SRBD1: variants seen among roughly 807,000 people sequenced by gnomAD.
The protein encoded by SRBD1 is S1 RNA binding domain 1.
SRBD1 carries 88 observed loss-of-function variants against 115.3 expected under a neutral mutation model. That is an observed-to-expected ratio of 0.76 (90% CI 0.64 to 0.91). The LOEUF is 0.91. SRBD1 is among the 40% of genes least tolerant of loss of function. SRBD1 has a pLI of 0.00. For missense variants in SRBD1, 1,385 were observed against 1,177.4 expected (o/e 1.18, Z -2.58); for synonymous variants, 509 against 407.7 (o/e 1.25, Z -2.99).
In SRBD1 at chr2:45,447,320, G is replaced by A. The variant is rs569641046; in HGVS notation, c.2050-27426C>T. 3.0e-4 allele frequency: 45 copies of A among 152,476 alleles called. No homozygotes were observed. In the East Asian group the frequency reaches 5.4e-3, roughly 18 times the overall value. The allele number at this position is 152,476 out of a possible 1,614,324, so 9.4% of individuals were successfully genotyped here. On this transcript the variant is annotated intron_variant, in intron 16 of 20. Coordinates refer to ENST00000263736, the MANE Select transcript of SRBD1 (RefSeq NM_018079.5). ...AAAAATTCTAGGCGTGGTGGCGGGC[G>A]CCTGTAGTCCCAGCTACTTGGGAGG...
chr2:45,545,311 A>AAAAAAAAAAC (rs1558468100), intron 14 of SRBD1, among the ~76,000 whole-genome samples: 6 of 143,626 alleles, frequency 4.2e-5, no homozygotes, highest in African/African-American at 1.6e-4. Context: ...AAAAAAAAAA[A>AAAAAAAAAAC]AAAACAGATG....
At chr2:45,527,148 T>C (rs929937734) in intron 14 of SRBD1, among the ~76,000 whole-genome samples, 5 of 151,878 alleles carry the variant, frequency 3.3e-5, no homozygotes, top group Admixed American at 3.3e-4. Flanking sequence ...CATATAAATA[T>C]GAATATATAT....
chr2:45,403,399 C>T (rs1272696122), intron 19 of SRBD1, among the ~76,000 whole-genome samples: 1 of 151,730 alleles, frequency 6.6e-6, no homozygotes, highest in Non-Finnish European at 1.5e-5. Context: ...TTATCAGTTC[C>T]TGAGTAGTTC....
chr2:45,480,599 G>A (rs1386549552), intron 15 of SRBD1, among the ~76,000 whole-genome samples: 1 of 152,118 alleles, frequency 6.6e-6, no homozygotes, highest in African/African-American at 2.4e-5. Flanking sequence ...GCTTTCTTAG[G>A]GACAAGCAAA....
intron 14 of SRBD1, among the ~76,000 whole-genome samples, chr2:45,491,765 C>T (rs1325625808): frequency 1.3e-5 from 2 of 152,174 alleles, no homozygotes; most frequent in Non-Finnish European, 2.9e-5. Flanking sequence ...AATATCAACG[C>T]ATTCACTTTC....
intron 15 of SRBD1, among the ~76,000 whole-genome samples, chr2:45,479,314 T>C (rs1190938513): frequency 6.6e-6 from 1 of 152,146 alleles, no homozygotes; most frequent in Non-Finnish European, 1.5e-5. Context: ...ATGAAGCTTA[T>C]TCAAAAGACA....
chr2:45,407,600 G>A (rs1247573868), intron 19 of SRBD1, among the ~76,000 whole-genome samples: 2 of 152,018 alleles, frequency 1.3e-5, no homozygotes, highest in Non-Finnish European at 2.9e-5. Flanking sequence ...TCTAAGTGAT[G>A]AATAAAGTCA....
chr2:45,511,663 G>A (rs1346191578), intron 14 of SRBD1, among the ~76,000 whole-genome samples: 1 of 152,142 alleles, frequency 6.6e-6, no homozygotes, highest in Non-Finnish European at 1.5e-5. Flanking sequence ...AATGTTATCG[G>A]CAAAAATTCA....
At position 45,596,988 on chromosome 2, in the gene SRBD1, T is replaced by TAA. The variant is rs139080511; in HGVS notation, c.648+2460_648+2461insTT. 6.9e-3 allele frequency among the ~76,000 whole-genome samples: 977 copies of TAA among 140,966 alleles called. 11 individuals are homozygous for TAA. Among genetic ancestry groups the TAA allele is most frequent in the African/African-American group, 0.025 (951 of 38,328 alleles). 92.5% of individuals were successfully genotyped at this position (140,966 alleles called of 152,430 possible). A position where few individuals can be genotyped will look rare whatever the true frequency, so the allele number is the denominator to read the frequency against. On this transcript the variant is annotated intron_variant, in intron 4 of 20. Coordinates refer to ENST00000263736, the MANE Select transcript of SRBD1 (RefSeq NM_018079.5). ...ACACACACACCCACACCCACAACCC[T>TAA]CACACACACACACACACACACACAC...
At chr2:45,476,063 T>C (rs1669795371) in intron 16 of SRBD1, among the ~76,000 whole-genome samples, 1 of 152,200 alleles carries the variant, frequency 6.6e-6, no homozygotes, top group Non-Finnish European at 1.5e-5. Context: ...CTTTAGCAAC[T>C]ATCTTTCTGA....
intron 16 of SRBD1, among the ~76,000 whole-genome samples, chr2:45,469,276 T>C (rs1031495396): frequency 3.3e-5 from 5 of 152,260 alleles, no homozygotes; most frequent in Non-Finnish European, 5.9e-5. Context: ...AATGATCATA[T>C]AATTATTAGT....
intron 15 of SRBD1, among the ~76,000 whole-genome samples, chr2:45,482,520 T>G (rs530853987): frequency 6.6e-6 from 1 of 151,372 alleles, no homozygotes; most frequent in African/African-American, 2.4e-5. Flanking sequence ...AGTTAATAAA[T>G]TACAGAGATT....
At chr2:45,554,787 T>A (rs1672420145) in intron 10 of SRBD1, among the ~76,000 whole-genome samples, 1 of 152,180 alleles carries the variant, frequency 6.6e-6, no homozygotes, top group South Asian at 2.1e-4. Flanking sequence ...CTGACCTGCT[T>A]CCTCATAGTT....
At chr2:45,445,503 T>C (rs959617791) in intron 16 of SRBD1, among the ~76,000 whole-genome samples, 12 of 140,486 alleles carry the variant, frequency 8.5e-5, no homozygotes, top group African/African-American at 3.0e-4. Flanking sequence ...ATGAGGCAAG[T>C]TTCTCTCTAT....
At position 45,389,690 on chromosome 2, in the gene SRBD1, G is replaced by A. The variant is rs573743581; in HGVS notation, c.2699-91C>T. 1.2e-5 allele frequency: 15 copies of A among 1,249,830 alleles called. No homozygotes were observed. The East Asian group carries it at 3.7e-4, about 31-fold the overall frequency. The allele number at this position is 1,249,830 out of a possible 1,614,324, so 77.4% of individuals were successfully genotyped here. On this transcript the variant is annotated intron_variant, in intron 20 of 20. Transcript: ENST00000263736. ...AATAAGTACTTACTACATACTATGT[G>A]CCCAGACCAATATTAAAGATTAAGG...
chr2:45,558,942 C>T (rs547774587), intron 10 of SRBD1, among the ~76,000 whole-genome samples: 78 of 152,210 alleles, frequency 5.1e-4, no homozygotes, highest in African/African-American at 1.7e-3. Context: ...TCAGGTGATC[C>T]TCTCACCTTG....
At chr2:45,466,700 T>A (rs3770268) in intron 16 of SRBD1, among the ~76,000 whole-genome samples, 86,263 of 152,088 alleles carry the variant, frequency 0.57, 25,645 homozygotes, top group African/African-American at 0.73. Context: ...TCATCTTGGT[T>A]GTGTTTCACA....
At chr2:45,455,688 T>C (rs1335648728) in intron 16 of SRBD1, among the ~76,000 whole-genome samples, 2 of 151,842 alleles carry the variant, frequency 1.3e-5, no homozygotes, top group East Asian at 3.8e-4. Context: ...CTTTGCAATG[T>C]ATGTAGTTAG....
At chr2:45,419,289 C>A (rs1015871089) in intron 17 of SRBD1, among the ~76,000 whole-genome samples, 1 of 152,130 alleles carries the variant, frequency 6.6e-6, no homozygotes, top group African/African-American at 2.4e-5. Flanking sequence ...AAAAGCAGCT[C>A]TTCTAAAACC....
Sources: allele counts gnomAD v4.1 joint callset (sites outside exome capture counted in the v4.1 genomes callset), GRCh38; gene constraint gnomAD v4.1.1; transcripts MANE v1.5; gene names NCBI Gene and HGNC (gene_info 2026-07-23, HGNC 2026-07-21).